Variants in ACBD6 observed in about 807,000 individuals in gnomAD.
ACBD6 encodes acyl-CoA binding domain containing 6, also known as acyl-CoA-binding domain-containing protein 6.
Under a neutral mutation model 37.2 loss-of-function variants are expected in ACBD6, and 28 were observed. The observed-to-expected ratio is 0.75, with a 90% CI of 0.56 to 1.03. The LOEUF (loss-of-function observed/expected upper bound fraction) is 1.03. ACBD6 is among the 50% of genes least tolerant of loss of function. The probability of loss-of-function intolerance (pLI) is 0.00; values close to 1 mark genes in which losing one functional copy is unlikely to be tolerated. For missense variants in ACBD6, 340 were observed against 337.4 expected, an observed-to-expected ratio of 1.01 and a Z score of -0.06; for synonymous variants, 113 against 126.8, an observed-to-expected ratio of 0.89 and a Z score of 0.73.
chr1:180,272,028 A>G (rs1274226049), intron 13 of ACBD6: 1 of 1,602,206 alleles, frequency 6.2e-7, no homozygotes, highest in Non-Finnish European at 8.5e-7. Flanking sequence ...TGGAGGGGCC[A>G]GGCCGAGGCC....
chr1:180,421,323 A>C (rs1239762991), intron 4 of ACBD6, among the ~76,000 whole-genome samples: 1 of 152,156 alleles, frequency 6.6e-6, no homozygotes, highest in African/African-American at 2.4e-5. Context: ...AACTCCATCC[A>C]TGTCCCTGCA....
At chr1:180,459,992 T>C (rs867437873) in intron 3 of ACBD6, among the ~76,000 whole-genome samples, 14 of 122,538 alleles carry the variant, frequency 1.1e-4, no homozygotes, top group Non-Finnish European at 1.8e-4. Flanking sequence ...TTTTTTTTTT[T>C]AATTATACTT....
At chr1:180,310,190 T>G (rs1650532623) in intron 7 of ACBD6, among the ~76,000 whole-genome samples, 1 of 152,120 alleles carries the variant, frequency 6.6e-6, no homozygotes, top group Admixed American at 6.6e-5. Flanking sequence ...CTAGATCCTG[T>G]CTCAACAAAA....
At chr1:180,435,675 A>T in intron 3 of ACBD6, 1 of 922,244 alleles carries the variant, frequency 1.1e-6, no homozygotes, top group African/African-American at 1.6e-5. Context: ...AGCTCCATTT[A>T]CCAGAAGGTG....
In ACBD6 at chr1:180,413,427, A is replaced by T; in HGVS notation, c.512T>A (p.Ile171Asn). 6.2e-7 allele frequency: 1 copy of T among 1,613,442 alleles called. No individual in the cohort carries two copies. Residue 171 changes from isoleucine to asparagine, a missense_variant, in exon 5 of 8, where the codon ATT (isoleucine) becomes AAT (asparagine). Transcript: ENST00000367595. Reference protein sequence around the residue: ...NIFDYCRENNIDHITKAIKSK... With the variant: ...NIFDYCRENNNDHITKAIKSK... ...TTTGATGGCTTTGGTTATATGGTCA[A>T]TGTTGTTTTCCCTGCAGTAATCAAA...
chr1:180,462,882 C>T (rs1365368916), intron 3 of ACBD6, among the ~76,000 whole-genome samples: 2 of 152,134 alleles, frequency 1.3e-5, no homozygotes, highest in African/African-American at 4.8e-5. Context: ...AACAGTCTCT[C>T]GGACCACAGC....
chr1:180,452,001 T>C (rs1431702804), intron 3 of ACBD6, among the ~76,000 whole-genome samples: 8 of 152,286 alleles, frequency 5.3e-5, no homozygotes, highest in South Asian at 2.1e-4. Flanking sequence ...CCTGAATGAC[T>C]AATGGGTAAA....
At chr1:180,388,187 A>G (rs939716684) in intron 6 of ACBD6, among the ~76,000 whole-genome samples, 16 of 151,928 alleles carry the variant, frequency 1.1e-4, no homozygotes, top group African/African-American at 2.7e-4. Context: ...AAAAAAAAAA[A>G]AAAAAGAAAA....
chr1:180,443,874 T>C (rs6682811), intron 3 of ACBD6, among the ~76,000 whole-genome samples: 147,510 of 151,170 alleles, frequency 0.98, 71,994 homozygotes, highest in African/African-American at 0.99. Context: ...CTGCCTGCCT[T>C]GGCCTCCCAA....
chr1:180,330,169 T>G (rs1651424658), intron 6 of ACBD6, among the ~76,000 whole-genome samples: 1 of 152,106 alleles, frequency 6.6e-6, no homozygotes, highest in Non-Finnish European at 1.5e-5. Context: ...TCTAGTACTT[T>G]GAGAGGCTGA....
At chr1:180,298,433 T>C (rs1212699990) in intron 7 of ACBD6, among the ~76,000 whole-genome samples, 2 of 152,198 alleles carry the variant, frequency 1.3e-5, no homozygotes, top group Non-Finnish European at 2.9e-5. Context: ...GCTAAGTAGA[T>C]GTGTGCTATG....
chr1:180,295,896 T>C (rs1368162667), intron 7 of ACBD6, among the ~76,000 whole-genome samples: 1 of 152,132 alleles, frequency 6.6e-6, no homozygotes, highest in Non-Finnish European at 1.5e-5. Context: ...TCCAATCCTT[T>C]TACTCAAGTA....
At chr1:180,437,620 A>G (rs1484825606) in intron 3 of ACBD6, among the ~76,000 whole-genome samples, 1 of 152,210 alleles carries the variant, frequency 6.6e-6, no homozygotes, top group African/African-American at 2.4e-5. Context: ...AATCCTAAAG[A>G]TTCCACCCAA....
At chr1:180,309,429 T>C (rs1650504854) in intron 7 of ACBD6, among the ~76,000 whole-genome samples, 1 of 152,232 alleles carries the variant, frequency 6.6e-6, no homozygotes, top group Non-Finnish European at 1.5e-5. Flanking sequence ...GTGACTCATC[T>C]AAATTCTCAA....
At chr1:180,271,619 G>A in exon 14 of ACBD6, 1 of 1,536,668 alleles carries the variant, frequency 6.5e-7, no homozygotes, top group Non-Finnish European at 9.0e-7. Context: ...TCAGCTCACG[G>A]GTGGTTGGGC....
chr1:180,463,301 TAATAA>T (rs201312936), intron 3 of ACBD6, among the ~76,000 whole-genome samples: 2,927 of 152,018 alleles, frequency 0.019, 44 homozygotes, highest in Non-Finnish European at 0.028. Context: ...TTGAAAAAAT[TAATAA>T]AATAGACTGC....
chr1:180,386,395 G>A (rs1653846383), intron 6 of ACBD6, among the ~76,000 whole-genome samples: 1 of 151,926 alleles, frequency 6.6e-6, no homozygotes, highest in African/African-American at 2.4e-5. Flanking sequence ...AATGTGTCTT[G>A]CTGTGGATTT....
intron 6 of ACBD6, among the ~76,000 whole-genome samples, chr1:180,338,921 C>A (rs1358020785): frequency 1.3e-5 from 2 of 152,166 alleles, no homozygotes; most frequent in Non-Finnish European, 2.9e-5. Flanking sequence ...CCAAAAGACA[C>A]ATGAAAAGAT....
intron 6 of ACBD6, among the ~76,000 whole-genome samples, chr1:180,329,215 T>C (rs1651377333): frequency 6.6e-6 from 1 of 152,202 alleles, no homozygotes; most frequent in Non-Finnish European, 1.5e-5. Flanking sequence ...AAAAACATCA[T>C]TTACTGTACA....
Sources: gnomAD v4.1 joint callset for allele counts (sites outside exome capture counted in the v4.1 genomes callset) on GRCh38, gnomAD v4.1.1 for gene constraint, MANE v1.5 for transcripts, NCBI Gene and HGNC (gene_info 2026-07-23, HGNC 2026-07-21) for gene names.